CTR9: variants seen among roughly 807,000 people sequenced by gnomAD.
CTR9 encodes CTR9 component of Paf1/RNA polymerase II complex, also known as RNA polymerase-associated protein CTR9 homolog.
Under a neutral mutation model 152.1 loss-of-function variants are expected in CTR9, and 41 were observed. The observed-to-expected ratio is 0.27, with a 90% CI of 0.21 to 0.35. The LOEUF (loss-of-function observed/expected upper bound fraction) is 0.35, where lower values mean the gene tolerates loss of function less well. Ranked by LOEUF, CTR9 falls within the 10% of genes least tolerant of loss-of-function variation. The pLI is 1.00. For synonymous variants in CTR9, 476 were observed against 496.2 expected (o/e 0.96, Z 0.54); for missense variants, 917 against 1,424.4 (o/e 0.64, Z 5.73).
chr11:10,764,767 G>T lies in CTR9; in HGVS notation c.1597+36G>T, dbSNP rs779122893. ...TAAACTTCTTTATGTAATGAAATCC[G>T]TTCATTCCCACAAGAGCAGCAAAAA... On this transcript the variant is annotated intron_variant, in intron 12 of 24. Transcript: ENST00000361367. The T allele has an allele frequency of 2.0e-6, 3 of 1,504,856 alleles. No homozygotes were observed. In the Admixed American group the frequency reaches 6.0e-5, roughly 30 times the overall value. The allele number at this position is 1,504,856 out of a possible 1,614,324, so 93.2% of individuals were successfully genotyped here. A position where few individuals can be genotyped will look rare whatever the true frequency, so the allele number is the denominator to read the frequency against.
intron 7 of CTR9, among the ~76,000 whole-genome samples, chr11:10,763,173 A>G (rs1360703453): frequency 6.8e-6 from 1 of 146,542 alleles, no homozygotes; most frequent in Non-Finnish European, 1.5e-5. Context: ...CTACAGCCAG[A>G]GAGAGTAAAG....
chr11:10,756,032 C>A (rs2135357229), intron 4 of CTR9, among the ~76,000 whole-genome samples: 1 of 152,248 alleles, frequency 6.6e-6, no homozygotes, highest in South Asian at 2.1e-4. Flanking sequence ...CACTTTGAGA[C>A]CCTGTCTCGT....
At chr11:10,761,829 C>T (rs1862983231) in intron 6 of CTR9, 118 bp from the exon 7 acceptor site, 2 of 534,512 alleles carry the variant, frequency 3.7e-6, no homozygotes, top group Non-Finnish European at 3.3e-6. Flanking sequence ...AGCTTCTAAT[C>T]CGTTTTAGTG....
At chr11:10,774,387 G>T in intron 22 of CTR9, 1 of 400,232 alleles carries the variant, frequency 2.5e-6, no homozygotes, top group Non-Finnish European at 4.4e-6. Flanking sequence ...CCTTCTAAGC[G>T]CTGCAAGTTA....
chr11:10,777,057 A>T (rs530303410), intron 24 of CTR9, among the ~76,000 whole-genome samples: 2 of 151,208 alleles, frequency 1.3e-5, no homozygotes, highest in South Asian at 4.2e-4. Context: ...TCCAGGAACC[A>T]TACCTAGTCT....
In CTR9 at chr11:10,775,187, C is replaced by T. The variant is rs1180064950; in HGVS notation, c.2886-20C>T. The T allele has an allele frequency of 6.3e-7, 1 of 1,593,802 alleles. No homozygotes were observed. The highest frequency in any genetic ancestry group is 8.6e-7 in the Non-Finnish European group (1 of 1,162,840). ...TAGGTAGGCTCTTGACAAACTCTCT[C>T]TTGGTGTTCACTATTTAAGACATCC... On this transcript the variant is annotated intron_variant, in intron 22 of 24. Coordinates refer to ENST00000361367, the MANE Select transcript of CTR9 (RefSeq NM_014633.5).
At position 10,771,601 on chromosome 11, in the gene CTR9, C is replaced by T; in HGVS notation, c.2429C>T (p.Ala810Val). Residue 810 changes from alanine to valine, a missense_variant, in exon 19 of 25, where the codon GCT becomes GTT. Ala to Val is a moderately conservative substitution (Grantham distance 64, BLOSUM62 0). This residue lies in a region of CTR9 where 106 missense variants were observed against 157.8 expected (regional missense o/e 0.67). Coordinates refer to ENST00000361367, the MANE Select transcript of CTR9 (RefSeq NM_014633.5). ...GDKMRFDLAL[A>V]ATEARQCSDL... ...AAAATGAGATTTGATTTGGCCCTTG[C>T]TGCTACAGAAGCCAGGTAATGTTAC... The T allele has an allele frequency of 6.2e-7, 1 of 1,611,734 alleles. No homozygotes were observed. Among genetic ancestry groups the T allele is most frequent in the Non-Finnish European group, 8.5e-7 (1 of 1,177,966 alleles).
In CTR9 at chr11:10,778,758, T is replaced by C. The variant is rs768837549; in HGVS notation, c.3175T>C (p.Ser1059Pro). 4.3e-6 allele frequency: 7 copies of C among 1,614,052 alleles called. No homozygotes were observed. The highest frequency in any genetic ancestry group is 4.2e-6 in the Non-Finnish European group (5 of 1,180,010). ...RKKCASSESDSDENQNKSGSE... is the reference protein window; with the variant it reads ...RKKCASSESDPDENQNKSGSE... ...GAAATGTGCCTCATCAGAGAGTGAT[T>C]CCGATGAGAACCAGAACAAGTCTGG... Residue 1059 changes from serine to proline, a missense_variant, in exon 25 of 25, where the codon TCC (serine) becomes CCC (proline). By Grantham distance (74) the Ser-to-Pro change is moderately conservative (BLOSUM62 -1). Coordinates refer to ENST00000361367, the MANE Select transcript of CTR9 (RefSeq NM_014633.5).
intron 5 of CTR9, 129 bp from the exon 6 acceptor site, chr11:10,760,044 T>C (rs1010024550): frequency 1.1e-6 from 1 of 936,362 alleles, no homozygotes; most frequent in East Asian, 2.6e-5. Context: ...CAAAAGATTC[T>C]GTAGTGTAGT....
rs1863071729 is a variant in CTR9 at position 10,767,066 on chromosome 11, AACTAAAG to A, written c.1686+582_1686+588del. ...ATTCTGTTGCATTTACTATGCAGAT[AACTAAAG>A]ACTAACTAAATGGATTTTACAACTT... is the stretch of plus-strand genomic sequence containing the variant. On this transcript the variant is annotated intron_variant, in intron 13 of 24. Transcript: ENST00000361367. This position sits in a 1 kb window ranked among gnomAD's most constrained non-coding sequence, Gnocchi z 4.0. 1 of 152,648 alleles carries A rather than the reference AACTAAAG, an allele frequency of 6.6e-6. No individual in the cohort carries two copies. Among genetic ancestry groups the A allele is most frequent in the Middle Eastern group, 3.2e-3 (1 of 316 alleles). The allele number at this position is 152,648 out of a possible 1,614,324, so 9.5% of individuals were successfully genotyped here.
intron 10 of CTR9, 49 bp from the exon 11 acceptor site, chr11:10,764,259 A>C: frequency 6.2e-7 from 1 of 1,613,740 alleles, no homozygotes; most frequent in East Asian, 2.2e-5. Flanking sequence ...AGCCTGGTGT[A>C]GTGTCTCTCT....
chr11:10,753,327 A>G (rs1313990842), intron 2 of CTR9, among the ~76,000 whole-genome samples: 4 of 152,178 alleles, frequency 2.6e-5, no homozygotes, highest in African/African-American at 4.8e-5. Context: ...TATATCCTCT[A>G]CTTGCCAGCA....
intron 12 of CTR9, 76 bp downstream of exon 12, chr11:10,764,807 A>G: frequency 7.6e-7 from 1 of 1,310,640 alleles, no homozygotes. Context: ...GCCTGAAAAA[A>G]ATTTAGAATT....
Position 10,760,198 on chromosome 11 carries a change from T to C in CTR9, c.618T>C (p.His206=). Reference sequence around the variant, plus strand: ...CGGAAGTTCGTTTAGGAATGGGTCATTGCTTTGTGAAACTTAACAAACTGG... The same window carrying C: ...CGGAAGTTCGTTTAGGAATGGGTCACTGCTTTGTGAAACTTAACAAACTGG... ...CPAEVRLGMG[H]CFVKLNKLEK... The change falls in exon 6 of 25, where the codon CAT becomes CAC. Residue 206 remains histidine (H), a synonymous_variant. Transcript: ENST00000361367. 6.2e-7 allele frequency: 1 copy of C among 1,614,144 alleles called. No homozygotes were observed. The highest frequency in any genetic ancestry group is 1.7e-5 in the Admixed American group (1 of 60,016).
In CTR9 at chr11:10,760,725, T is replaced by C. The variant is rs79424110; in HGVS notation, c.741+404T>C. On this transcript the variant is annotated intron_variant, in intron 6 of 24. Transcript: ENST00000361367. ...GCACGTAACAAAAAACACATCCCAG[T>C]GCCTTAAACATAAGGGCTTTTAGTG... 7.7e-3 allele frequency among the ~76,000 whole-genome samples: 1,172 copies of C among 152,344 alleles called. 17 individuals carry two copies. Among genetic ancestry groups the C allele is most frequent in the African/African-American group, 0.027 (1,119 of 41,572 alleles).
rs1478158749 is a variant in CTR9 at position 10,764,322 on chromosome 11, C to T, written c.1299C>T (p.Ala433=). 2 of 1,614,100 alleles carry T rather than the reference C, an allele frequency of 1.2e-6. No individual in the cohort carries two copies. The highest frequency in any genetic ancestry group is 1.3e-5 in the African/African-American group (1 of 75,012). The change falls in exon 11 of 25, where the codon GCC becomes GCT. Residue 433 remains alanine, a synonymous_variant. Coordinates refer to ENST00000361367, the MANE Select transcript of CTR9 (RefSeq NM_014633.5). ...TGAAAATACAGGGTGCCCTTTCAGC[C>T]TATGGAACAGCAACACGAATCCTTC... is the stretch of plus-strand genomic sequence containing the variant. ...EQTDIQGALS[A]YGTATRILQE...
chr11:10,755,385 C>G (rs1862869307), intron 3 of CTR9, among the ~76,000 whole-genome samples, 188 bp downstream of exon 3: 3 of 152,154 alleles, frequency 2.0e-5, no homozygotes, highest in South Asian at 4.1e-4. Flanking sequence ...GTAATATGGA[C>G]AAATGTAGTA....
chr11:10,756,732 T>G lies in CTR9; in HGVS notation c.503-17T>G. On this transcript the variant is annotated splice_polypyrimidine_tract_variant and intron_variant, in intron 4 of 24. Transcript: ENST00000361367. ...CCTTTAATCAGACACTGTGTTTATT[T>G]TTAAAAATCATTACAGGTAAAGCTT... 1 of 1,586,570 alleles carries G rather than the reference T, an allele frequency of 6.3e-7. No homozygotes were observed. Among genetic ancestry groups the G allele is most frequent in the South Asian group, 1.1e-5 (1 of 89,358 alleles).
At position 10,764,295 on chromosome 11, in the gene CTR9, C is replaced by G. The variant is rs566230421; in HGVS notation, c.1285-13C>G. On this transcript the variant is annotated splice_polypyrimidine_tract_variant and intron_variant, in intron 10 of 24. Transcript: ENST00000361367. ...TCCACTTACACCTTTTTCTGTCAATCATGAAAATACAGGGTGCCCTTTCAG... is the reference window on the plus strand; with the variant it reads ...TCCACTTACACCTTTTTCTGTCAATGATGAAAATACAGGGTGCCCTTTCAG... The G allele has an allele frequency of 7.4e-6, 12 of 1,613,808 alleles. No homozygotes were observed. In the African/African-American group the frequency reaches 1.5e-4, roughly 20 times the overall value.
Sources: gnomAD v4.1 joint callset for allele counts (sites outside exome capture counted in the v4.1 genomes callset) on GRCh38, gnomAD v4.1.1 for gene constraint, gnomAD v4.1.1 regional missense constraint, Gnocchi (gnomAD v3.1) non-coding constraint, MANE v1.5 for transcripts, NCBI Gene and HGNC (gene_info 2026-07-23, HGNC 2026-07-21) for gene names.